The following PDE1C variants were observed in gnomAD, a reference collection of about 807,000 sequenced individuals.
The protein encoded by PDE1C is dual specificity calcium/calmodulin-dependent 3',5'-cyclic nucleotide phosphodiesterase 1C.
PDE1C carries 62 observed loss-of-function variants against 93.1 expected under a neutral mutation model. The observed-to-expected ratio is 0.67, with a 90% CI of 0.54 to 0.82. The LOEUF (loss-of-function observed/expected upper bound fraction) is 0.82. PDE1C is among the 40% of genes least tolerant of loss of function. The pLI, the probability that PDE1C is intolerant of heterozygous loss-of-function variation, is 0.00. For synonymous variants in PDE1C, 325 were observed against 310.1 expected, an observed-to-expected ratio of 1.05 and a Z score of -0.50; for missense variants, 742 against 884.6, an observed-to-expected ratio of 0.84 and a Z score of 2.04.
At chr7:31,637,879 G>C in the PDE1C span, among the ~76,000 whole-genome samples, 2 of 152,232 alleles carry the variant, frequency 1.3e-5, no homozygotes, top group Non-Finnish European at 2.9e-5. Flanking sequence ...GGTCTAACAT[G>C]TAAGTCTTTA....
At chr7:31,661,709 C>T in the PDE1C span, among the ~76,000 whole-genome samples, 5 of 152,058 alleles carry the variant, frequency 3.3e-5, no homozygotes, top group East Asian at 1.9e-4. Flanking sequence ...AGTGAAACTC[C>T]GTCTCAAAAA....
intron 2 of PDE1C, among the ~76,000 whole-genome samples, chr7:31,975,949 A>G (rs192919298): frequency 2.1e-3 from 324 of 152,366 alleles, no homozygotes; most frequent in African/African-American, 7.4e-3. Flanking sequence ...GTTGATGTGC[A>G]TTCAGTCTAT....
At chr7:32,004,190 G>C (rs1785863724) in intron 2 of PDE1C, among the ~76,000 whole-genome samples, 6 of 151,932 alleles carry the variant, frequency 3.9e-5, no homozygotes, top group Admixed American at 3.9e-4. Context: ...GTGCAGTTTA[G>C]ATACCTGGGG....
At chr7:31,664,319 C>T in the PDE1C span, among the ~76,000 whole-genome samples, 1 of 152,134 alleles carries the variant, frequency 6.6e-6, no homozygotes, top group African/African-American at 2.4e-5. Flanking sequence ...TTTAATATTG[C>T]TTTGTGTTAT....
At chr7:32,000,230 G>C (rs1785286146) in intron 2 of PDE1C, among the ~76,000 whole-genome samples, 1 of 152,142 alleles carries the variant, frequency 6.6e-6, no homozygotes, top group Non-Finnish European at 1.5e-5. Flanking sequence ...CTGTAAAATG[G>C]TGATAACAGT....
At chr7:32,107,610 G>A (rs558683392) in intron 3 of PDE1C, among the ~76,000 whole-genome samples, 2 of 152,148 alleles carry the variant, frequency 1.3e-5, no homozygotes, top group South Asian at 2.1e-4. Flanking sequence ...AACAAAAACC[G>A]AGTAAATTTA....
chr7:31,737,161 T>C, the PDE1C span, among the ~76,000 whole-genome samples: 1 of 151,900 alleles, frequency 6.6e-6, no homozygotes. Context: ...TTTTTTTTTG[T>C]AGAGACGGTA....
intron 1 of PDE1C, among the ~76,000 whole-genome samples, chr7:32,381,360 T>C (rs144348652): frequency 1.1e-4 from 17 of 152,202 alleles, no homozygotes; most frequent in African/African-American, 4.1e-4. Flanking sequence ...CGCTGCACCC[T>C]TGGGGAAGTT....
intron 1 of PDE1C, among the ~76,000 whole-genome samples, chr7:32,319,359 A>T (rs1471452559): frequency 6.6e-6 from 1 of 151,922 alleles, no homozygotes; most frequent in Non-Finnish European, 1.5e-5. Context: ...ACACTCCCCC[A>T]GTGATGGCAT....
At chr7:31,708,039 T>C in the PDE1C span, 1 of 152,252 alleles carries the variant, frequency 6.6e-6, no homozygotes, top group South Asian at 2.1e-4. Context: ...CAATGGTAGA[T>C]AAAATATCAA....
At chr7:32,061,233 T>C (rs986080831) in intron 1 of PDE1C, among the ~76,000 whole-genome samples, 2 of 152,234 alleles carry the variant, frequency 1.3e-5, no homozygotes, top group East Asian at 3.8e-4. Context: ...GCTCTTCTGG[T>C]GGCCTTAAGG....
chr7:32,113,649 T>A (rs969950631), intron 3 of PDE1C, among the ~76,000 whole-genome samples: 3 of 152,090 alleles, frequency 2.0e-5, no homozygotes, highest in Non-Finnish European at 4.4e-5. Context: ...TTAGTAATGC[T>A]TTTAGAATTT....
chr7:32,087,082 A>C (rs1797137346), intron 3 of PDE1C, among the ~76,000 whole-genome samples: 1 of 152,204 alleles, frequency 6.6e-6, no homozygotes, highest in Admixed American at 6.5e-5. Flanking sequence ...ACAAAATGGG[A>C]GAAAATTTTC....
At chr7:31,739,556 C>T in the PDE1C span, among the ~76,000 whole-genome samples, 1 of 152,064 alleles carries the variant, frequency 6.6e-6, no homozygotes, top group South Asian at 2.1e-4. Context: ...GCACTTAATC[C>T]AAAGAAAGTG....
At chr7:32,035,208 C>A (rs1187039034) in intron 2 of PDE1C, among the ~76,000 whole-genome samples, 2 of 152,070 alleles carry the variant, frequency 1.3e-5, no homozygotes, top group South Asian at 2.1e-4. Context: ...AACCCTAAGA[C>A]AAACGCCTCC....
At chr7:31,632,929 C>A in the PDE1C span, among the ~76,000 whole-genome samples, 1 of 151,834 alleles carries the variant, frequency 6.6e-6, no homozygotes, top group Admixed American at 6.6e-5. Flanking sequence ...ACTCTGTCGC[C>A]AGGCTGGAGT....
the PDE1C span, chr7:31,643,245 C>T: frequency 6.2e-7 from 1 of 1,613,846 alleles, no homozygotes; most frequent in Non-Finnish European, 8.5e-7. Context: ...GCAGTGGATT[C>T]TGTCCTCACA....
chr7:32,373,342 C>G (rs992786885), intron 1 of PDE1C, among the ~76,000 whole-genome samples: 6 of 152,230 alleles, frequency 3.9e-5, no homozygotes, highest in Non-Finnish European at 8.8e-5. Flanking sequence ...AAACATTACA[C>G]TGTGAAAGAA....
intron 2 of PDE1C, among the ~76,000 whole-genome samples, chr7:32,040,796 A>G (rs1791712980): frequency 6.6e-6 from 1 of 152,146 alleles, no homozygotes; most frequent in African/African-American, 2.4e-5. Flanking sequence ...ATTAAGGTCC[A>G]TGTCCCAATG....
Sources: gnomAD v4.1 joint callset for allele counts (sites outside exome capture counted in the v4.1 genomes callset) on GRCh38, gnomAD v4.1.1 for gene constraint, MANE v1.5 for transcripts, NCBI Gene and HGNC (gene_info 2026-07-23, HGNC 2026-07-21) for gene names.